Variants in SAMMSON observed in about 807,000 individuals in gnomAD.
SAMMSON encodes survival associated mitochondrial melanoma specific oncogenic non-coding RNA, also known as long intergenic non-protein coding RNA 1212.
chr3:70,419,509 T>A (rs1701294827), intron 2 of SAMMSON, among the ~76,000 whole-genome samples: 1 of 152,212 alleles, frequency 6.6e-6, no homozygotes, highest in South Asian at 2.1e-4. Context: ...ATTAGATATT[T>A]CTATATCTGC....
chr3:70,075,446 C>A (rs781191013), intron 4 of SAMMSON: 2 of 152,142 alleles, frequency 1.3e-5, no homozygotes, highest in Non-Finnish European at 2.9e-5. Flanking sequence ...AATTGTGACA[C>A]ATAGCAGGAC....
At chr3:70,360,851 C>T (rs920993264) in intron 9 of SAMMSON, among the ~76,000 whole-genome samples, 1 of 151,948 alleles carries the variant, frequency 6.6e-6, no homozygotes, top group Non-Finnish European at 1.5e-5. Flanking sequence ...ATTATTTAGT[C>T]TAATATAATT....
At chr3:70,388,895 G>T (rs1559578833) in intron 9 of SAMMSON, among the ~76,000 whole-genome samples, 1 of 152,106 alleles carries the variant, frequency 6.6e-6, no homozygotes, top group Non-Finnish European at 1.5e-5. Flanking sequence ...GTGTTGGGAG[G>T]TTGGGTCTAG....
intron 4 of SAMMSON, among the ~76,000 whole-genome samples, chr3:70,134,782 G>T (rs1040397329): frequency 1.3e-5 from 2 of 151,718 alleles, no homozygotes; most frequent in African/African-American, 2.4e-5. Context: ...ATTTTCTTGG[G>T]ATACAGGCGG....
At chr3:70,266,543 G>C (rs1325505001) in intron 6 of SAMMSON, among the ~76,000 whole-genome samples, 5 of 152,032 alleles carry the variant, frequency 3.3e-5, no homozygotes, top group Non-Finnish European at 5.9e-5. Context: ...TCCTGCCTCA[G>C]CCTCCCGAGT....
rs549468474 is a variant in SAMMSON at position 70,299,123 on chromosome 3, C to T, written n.739+7880C>T. On this transcript the variant is annotated intron_variant and non_coding_transcript_variant, in intron 7 of 9. Transcript: ENST00000642114. ...AGATTTAAAAGCAGAAAATGTGAAG[C>T]AGCCTGAATATCCAAACATAGGTAA... Among the ~76,000 whole-genome samples, 3 of 152,166 alleles carry T rather than the reference C, an allele frequency of 2.0e-5. No individual in the cohort carries two copies. The South Asian group carries it at 6.2e-4, about 32-fold the overall frequency.
At chr3:70,408,555 C>T (rs1575643302) in intron 2 of SAMMSON, among the ~76,000 whole-genome samples, 2 of 152,272 alleles carry the variant, frequency 1.3e-5, no homozygotes, top group South Asian at 4.1e-4. Flanking sequence ...TAAAACATAA[C>T]AAGAGTCACC....
intron 6 of SAMMSON, among the ~76,000 whole-genome samples, chr3:70,285,928 G>T (rs1032086726): frequency 6.6e-6 from 1 of 150,916 alleles, no homozygotes; most frequent in Non-Finnish European, 1.5e-5. Context: ...TTGTAAATTT[G>T]TTTGAGTTCA....
At chr3:70,311,522 A>G (rs1702453134) in intron 7 of SAMMSON, among the ~76,000 whole-genome samples, 1 of 152,200 alleles carries the variant, frequency 6.6e-6, no homozygotes, top group African/African-American at 2.4e-5. Context: ...TTCTGTGATT[A>G]TTATTTAAAA....
chr3:70,031,117 A>G (rs1188202840), intron 3 of SAMMSON, among the ~76,000 whole-genome samples: 5 of 152,332 alleles, frequency 3.3e-5, no homozygotes, highest in South Asian at 2.1e-4. Context: ...ATTATCCACA[A>G]TAGCCAAAAG....
intron 2 of SAMMSON, among the ~76,000 whole-genome samples, chr3:70,431,294 T>C (rs748671129): frequency 6.6e-6 from 1 of 152,080 alleles, no homozygotes. Context: ...AGCTTCTCTA[T>C]AGAAGTTCAT....
intron 6 of SAMMSON, among the ~76,000 whole-genome samples, chr3:70,254,368 A>T (rs1701795865): frequency 6.6e-6 from 1 of 152,170 alleles, no homozygotes; most frequent in African/African-American, 2.4e-5. Flanking sequence ...ATTCTCAATT[A>T]TTATTTTGTT....
At chr3:70,182,578 A>G (rs543181732) in intron 4 of SAMMSON, among the ~76,000 whole-genome samples, 3 of 152,284 alleles carry the variant, frequency 2.0e-5, no homozygotes, top group South Asian at 2.1e-4. Context: ...CCCCCTCCGA[A>G]GACGAAGCTT....
chr3:70,359,562 A>G (rs1349380950), intron 9 of SAMMSON, among the ~76,000 whole-genome samples: 1 of 152,182 alleles, frequency 6.6e-6, no homozygotes, highest in Non-Finnish European at 1.5e-5. Flanking sequence ...AAATGTTTGT[A>G]ATAAAAAATG....
intron 4 of SAMMSON, among the ~76,000 whole-genome samples, chr3:70,101,065 A>G (rs1254947061): frequency 1.3e-5 from 2 of 152,178 alleles, no homozygotes; most frequent in African/African-American, 4.8e-5. Flanking sequence ...CTGGTGGATT[A>G]TTATGGTTTA....
At chr3:70,116,265 CA>C (rs1183880286) in intron 4 of SAMMSON, among the ~76,000 whole-genome samples, 1 of 133,568 alleles carries the variant, frequency 7.5e-6, no homozygotes, top group Non-Finnish European at 1.6e-5. Flanking sequence ...GACTTGTTTT[CA>C]AGTTTTAGGA....
At chr3:70,182,165 T>A (rs981572920) in intron 4 of SAMMSON, among the ~76,000 whole-genome samples, 25 of 152,136 alleles carry the variant, frequency 1.6e-4, no homozygotes, top group Admixed American at 6.5e-4. Context: ...AGGTTTTTTT[T>A]AATTCCTATG....
chr3:70,061,127 G>C (rs1468868852), intron 3 of SAMMSON, among the ~76,000 whole-genome samples: 5 of 152,140 alleles, frequency 3.3e-5, no homozygotes, highest in African/African-American at 1.2e-4. Context: ...AAAGGTGGTA[G>C]CTTTGGCAGT....
chr3:70,368,770 G>A (rs1275039771), intron 9 of SAMMSON, among the ~76,000 whole-genome samples: 1 of 151,628 alleles, frequency 6.6e-6, no homozygotes, highest in African/African-American at 2.4e-5. Flanking sequence ...GATCACTGTA[G>A]TTTTATAGTA....
Sources: gnomAD v4.1 joint callset for allele counts (sites outside exome capture counted in the v4.1 genomes callset) on GRCh38, gnomAD v4.1.1 for gene constraint, MANE v1.5 for transcripts, NCBI Gene and HGNC (gene_info 2026-07-23, HGNC 2026-07-21) for gene names.